Variants in IL7 observed in about 807,000 individuals in gnomAD.
IL7 encodes the protein interleukin-7.
IL7 carries 3 observed loss-of-function variants against 21.6 expected under a neutral mutation model. That is an observed-to-expected ratio of 0.14 (90% confidence interval 0.06 to 0.36). IL7 has a LOEUF of 0.36. IL7 is among the 10% of genes least tolerant of loss of function. The pLI, the probability that IL7 is intolerant of heterozygous loss-of-function variation, is 1.00. For missense variants in IL7, 175 were observed against 200.2 expected, an observed-to-expected ratio of 0.87 and a Z score of 0.76; for synonymous variants, 62 against 68.1, an observed-to-expected ratio of 0.91 and a Z score of 0.44.
At position 78,737,495 on chromosome 8, in the gene IL7, A is replaced by G. The variant is rs191970473; in HGVS notation, c.361-968T>C. 3.8e-3 allele frequency among the ~76,000 whole-genome samples: 583 copies of G among 152,254 alleles called. 6 individuals carry two copies. Among genetic ancestry groups the G allele is most frequent in the African/African-American group, 0.013 (537 of 41,582 alleles). On this transcript the variant is annotated intron_variant, in intron 4 of 5. Coordinates refer to ENST00000263851, the MANE Select transcript of IL7 (RefSeq NM_000880.4). The stretch of plus-strand genomic sequence containing the variant: ...AAGTAGAAATGCTCTCTAGGGGACA[A>G]ACGTAAGGACGCAAGTTTGGAAATA...
chr8:78,774,556 A>G (rs548067999), intron 2 of IL7, among the ~76,000 whole-genome samples: 43 of 152,250 alleles, frequency 2.8e-4, no homozygotes, highest in African/African-American at 9.9e-4. Flanking sequence ...ATGACCAAGA[A>G]TAGCCCAAGT....
intron 3 of IL7, chr8:78,698,401 T>C: frequency 1.3e-6 from 2 of 1,598,946 alleles, no homozygotes; most frequent in Non-Finnish European, 1.7e-6. Flanking sequence ...AAATAATGCT[T>C]TTTTATTATA....
chr8:78,704,932 G>GT, intron 3 of IL7, among the ~76,000 whole-genome samples: 2 of 152,278 alleles, frequency 1.3e-5, no homozygotes, highest in South Asian at 4.1e-4. Context: ...CTTGTAGTGT[G>GT]TTTTTCAGCT....
chr8:78,752,577 A>G (rs1325197510), intron 2 of IL7, among the ~76,000 whole-genome samples: 2 of 152,002 alleles, frequency 1.3e-5, no homozygotes, highest in Non-Finnish European at 2.9e-5. Context: ...AGTTTCATAA[A>G]TGTCTATTCA....
At chr8:78,675,981 T>C in exon 5 of IL7, 1 of 758,040 alleles carries the variant, frequency 1.3e-6, no homozygotes, top group Non-Finnish European at 2.1e-6. Context: ...TAATGGGTAC[T>C]ATTCTTTGTT....
intron 2 of IL7, among the ~76,000 whole-genome samples, chr8:78,764,861 C>G (rs2130772910): frequency 6.6e-6 from 1 of 152,034 alleles, no homozygotes; most frequent in Non-Finnish European, 1.5e-5. Context: ...GAAAAAGACC[C>G]AGGAGAGTAA....
At chr8:78,762,447 G>T (rs905767208) in intron 2 of IL7, 139 of 1,572,270 alleles carry the variant, frequency 8.8e-5, no homozygotes, top group Non-Finnish European at 1.1e-4. Flanking sequence ...CCCGCCCGCC[G>T]GCCGGTCCAG....
chr8:78,802,594 C>T (rs889101585), intron 1 of IL7, among the ~76,000 whole-genome samples: 1 of 151,996 alleles, frequency 6.6e-6, no homozygotes, highest in Non-Finnish European at 1.5e-5. Flanking sequence ...CAACGCCTGG[C>T]AAATTTTTTT....
At chr8:78,800,289 A>C (rs1205034857) in intron 1 of IL7, among the ~76,000 whole-genome samples, 1 of 152,016 alleles carries the variant, frequency 6.6e-6, no homozygotes, top group Non-Finnish European at 1.5e-5. Flanking sequence ...CATATACCAC[A>C]TTTTCTTTTT....
intron 3 of IL7, among the ~76,000 whole-genome samples, chr8:78,726,799 G>A (rs1811348768): frequency 6.6e-6 from 1 of 151,890 alleles, no homozygotes; most frequent in Non-Finnish European, 1.5e-5. Context: ...AGAAATAAAG[G>A]CGTGTTTGTT....
chr8:78,686,052 A>G (rs1164415776), intron 3 of IL7: 1 of 152,330 alleles, frequency 6.6e-6, no homozygotes, highest in Non-Finnish European at 1.5e-5. Flanking sequence ...CTAATCTGCT[A>G]CTGGGATAAT....
chr8:78,701,325 T>G (rs1017375671), intron 3 of IL7, among the ~76,000 whole-genome samples: 6 of 152,198 alleles, frequency 3.9e-5, no homozygotes, highest in Admixed American at 2.6e-4. Context: ...ATGCTAGTGA[T>G]TTTTGCACAT....
intron 2 of IL7, among the ~76,000 whole-genome samples, chr8:78,779,217 C>T (rs1016281842): frequency 1.3e-5 from 2 of 152,018 alleles, no homozygotes; most frequent in Admixed American, 6.6e-5. Context: ...TTCCTATTTG[C>T]CTACCTTTAT....
intron 3 of IL7, among the ~76,000 whole-genome samples, chr8:78,725,009 T>C (rs1373091250): frequency 6.6e-6 from 1 of 152,034 alleles, no homozygotes; most frequent in Non-Finnish European, 1.5e-5. Flanking sequence ...TTTGTTATTA[T>C]CTGTAATGGG....
Position 78,805,105 on chromosome 8 carries a change from G to T in IL7, c.-183C>A, listed in dbSNP as rs899883729. ...CGACTGCAGTTTCATCCATCCCAAG[G>T]GGGGCGGCACACACTACGGCGTGGC... On this transcript the variant is annotated 5_prime_UTR_variant, in exon 1 of 6. Transcript: ENST00000263851. 1.2e-5 allele frequency: 7 copies of T among 598,156 alleles called. 1 individual carries two copies. The highest frequency in any genetic ancestry group is 1.1e-4 in the South Asian group (5 of 45,708). The allele number at this position is 598,156 out of a possible 1,614,324, so 37.1% of individuals were successfully genotyped here.
intron 2 of IL7, among the ~76,000 whole-genome samples, chr8:78,743,029 C>T (rs1164685053): frequency 6.6e-6 from 1 of 152,158 alleles, no homozygotes; most frequent in Non-Finnish European, 1.5e-5. Flanking sequence ...TGGCCTCCAG[C>T]TCCATCCATG....
At chr8:78,695,786 G>A (rs1011803808) in intron 3 of IL7, among the ~76,000 whole-genome samples, 2 of 152,128 alleles carry the variant, frequency 1.3e-5, no homozygotes, top group African/African-American at 4.8e-5. Flanking sequence ...GACATTTACT[G>A]AAGGTTTTGG....
In IL7 at chr8:78,749,104, T is replaced by C. The variant is rs1044536701; in HGVS notation, c.148-9022A>G. On this transcript the variant is annotated intron_variant, in intron 2 of 5. Coordinates refer to ENST00000263851, the MANE Select transcript of IL7 (RefSeq NM_000880.4). Reference sequence around the variant, plus strand: ...GACTTTCTGGATGATCAATAGTTTCTATTCCTTCTGTCAAAACATATTCAC... The same window carrying C: ...GACTTTCTGGATGATCAATAGTTTCCATTCCTTCTGTCAAAACATATTCAC... Among the ~76,000 whole-genome samples, 11 of 152,238 alleles carry C rather than the reference T, an allele frequency of 7.2e-5. No individual in the cohort carries two copies. In the East Asian group the frequency reaches 1.9e-3, roughly 27 times the overall value.
intron 3 of IL7, among the ~76,000 whole-genome samples, chr8:78,694,187 AGTT>A (rs770946951): frequency 7.9e-5 from 12 of 151,408 alleles, no homozygotes; most frequent in Non-Finnish European, 1.8e-4. Flanking sequence ...ATATTTTCAT[AGTT>A]GTCTGCTATT....
Sources: gnomAD v4.1 joint callset for allele counts (sites outside exome capture counted in the v4.1 genomes callset) on GRCh38, gnomAD v4.1.1 for gene constraint, MANE v1.5 for transcripts, NCBI Gene and HGNC (gene_info 2026-07-23, HGNC 2026-07-21) for gene names.